Variants in CAP2 observed in about 807,000 individuals in gnomAD.
CAP2 encodes cyclase associated actin cytoskeleton regulatory protein 2.
A neutral mutation model predicts 57.7 loss-of-function variants in CAP2; 24 were observed. That is an observed-to-expected ratio of 0.42 (90% CI 0.30 to 0.58). CAP2 has a LOEUF of 0.58. CAP2 is among the 20% of genes least tolerant of loss of function. CAP2 has a pLI of 0.22. For synonymous variants in CAP2, 194 were observed against 207.2 expected, an observed-to-expected ratio of 0.94 and a Z score of 0.55; for missense variants, 501 against 590.3, an observed-to-expected ratio of 0.85 and a Z score of 1.57.
intron 3 of CAP2, among the ~76,000 whole-genome samples, chr6:17,452,441 C>A (rs1760431720): frequency 6.6e-6 from 1 of 152,142 alleles, no homozygotes; most frequent in Non-Finnish European, 1.5e-5. Context: ...AGTAATTTCC[C>A]AAACTTATCA....
At chr6:17,482,254 C>T (rs142743040) in intron 4 of CAP2, among the ~76,000 whole-genome samples, 43 of 152,174 alleles carry the variant, frequency 2.8e-4, no homozygotes, top group Middle Eastern at 3.4e-3. Context: ...AGGCTGGGCG[C>T]GGTGGCTCAC....
At chr6:17,500,358 T>TA (rs1032536229) in intron 4 of CAP2, among the ~76,000 whole-genome samples, 5 of 91,274 alleles carry the variant, frequency 5.5e-5, no homozygotes, top group African/African-American at 2.4e-4. Flanking sequence ...TATATATATA[T>TA]ATATATATAT....
chr6:17,552,083 T>C (rs1166656335), intron 12 of CAP2, among the ~76,000 whole-genome samples: 1 of 152,152 alleles, frequency 6.6e-6, no homozygotes. Flanking sequence ...CAGCTGGAGG[T>C]TGGATTCAGG....
chr6:17,531,076 C>T, intron 7 of CAP2: 1 of 770,932 alleles, frequency 1.3e-6, no homozygotes, highest in Non-Finnish European at 2.3e-6. Flanking sequence ...TGAATCAGAT[C>T]CTCCCTGCAG....
chr6:17,531,432 G>A, intron 7 of CAP2: 1 of 1,580,484 alleles, frequency 6.3e-7, no homozygotes, highest in Non-Finnish European at 8.6e-7. Context: ...CTCGCCATTT[G>A]AATTTCAGTT....
chr6:17,394,137 C>T (rs1412554395), intron 1 of CAP2, among the ~76,000 whole-genome samples: 11 of 144,686 alleles, frequency 7.6e-5, no homozygotes, highest in South Asian at 2.2e-4. Context: ...TGGGGGGTCT[C>T]GTCCACCGGG....
chr6:17,517,362 G>A (rs1028741300), intron 7 of CAP2, among the ~76,000 whole-genome samples: 2 of 152,202 alleles, frequency 1.3e-5, no homozygotes, highest in African/African-American at 4.8e-5. Flanking sequence ...GCAAAGCTGA[G>A]TAATTGTGTT....
chr6:17,498,472 AT>A, intron 4 of CAP2, among the ~76,000 whole-genome samples: 1 of 152,292 alleles, frequency 6.6e-6, no homozygotes, highest in Admixed American at 6.5e-5. Context: ...CTGCAAGTGT[AT>A]TGTTCTACCT....
At chr6:17,463,307 GAA>G (rs1760779566) in intron 4 of CAP2, among the ~76,000 whole-genome samples, 1 of 144,630 alleles carries the variant, frequency 6.9e-6, no homozygotes, top group African/African-American at 2.6e-5. Context: ...AAAAAAAAAA[GAA>G]AGAAAAAAAG....
intron 1 of CAP2, among the ~76,000 whole-genome samples, chr6:17,405,288 AG>A (rs948884620): frequency 2.0e-5 from 3 of 152,156 alleles, no homozygotes; most frequent in Non-Finnish European, 4.4e-5. Flanking sequence ...AGGCTGAGGC[AG>A]GAGAATCGTG....
At chr6:17,433,865 T>G (rs181265629) in intron 3 of CAP2, among the ~76,000 whole-genome samples, 2 of 152,334 alleles carry the variant, frequency 1.3e-5, no homozygotes, top group African/African-American at 4.8e-5. Flanking sequence ...ACTTAAAGTT[T>G]GTTTCTAGAG....
intron 1 of CAP2, among the ~76,000 whole-genome samples, chr6:17,401,639 T>G (rs2113501369): frequency 6.6e-6 from 1 of 152,358 alleles, no homozygotes; most frequent in South Asian, 2.1e-4. Context: ...ATGCAGATAG[T>G]CTATCTCTCG....
rs1763338241 is a variant in CAP2, at chr6:17,557,347, A to C, written c.*905A>C. 1.3e-5 allele frequency: 2 copies of C among 152,208 alleles called. No individual in the cohort carries two copies. The highest frequency in any genetic ancestry group is 4.1e-4 in the South Asian group (2 of 4,822). The allele number at this position is 152,208 out of a possible 1,614,324, so 9.4% of individuals were successfully genotyped here. On this transcript the variant is annotated 3_prime_UTR_variant, in exon 13 of 13. Coordinates refer to ENST00000229922, the MANE Select transcript of CAP2 (RefSeq NM_006366.3). The stretch of plus-strand genomic sequence containing the variant: ...ACTTGCTAACCAAGCTCGAAAATGA[A>C]CATGAAAAAGCCATACATGTATTAT...
chr6:17,540,756 A>AAACAAC (rs376461452), intron 8 of CAP2, among the ~76,000 whole-genome samples: 4 of 152,098 alleles, frequency 2.6e-5, no homozygotes, highest in South Asian at 2.1e-4. Context: ...TCCATTTAAA[A>AAACAAC]AACAACAACA....
chr6:17,466,899 A>G (rs1381345110), intron 4 of CAP2, among the ~76,000 whole-genome samples: 3 of 152,104 alleles, frequency 2.0e-5, no homozygotes, highest in African/African-American at 4.8e-5. Flanking sequence ...CTATATAGCT[A>G]TCTGTTGCAA....
At chr6:17,529,303 C>T (rs1211780510) in intron 7 of CAP2, among the ~76,000 whole-genome samples, 1 of 152,102 alleles carries the variant, frequency 6.6e-6, no homozygotes, top group Non-Finnish European at 1.5e-5. Context: ...GATCAATGTA[C>T]ATCTTGCATA....
chr6:17,531,364 G>A (rs1056752300), intron 7 of CAP2: 1 of 1,578,224 alleles, frequency 6.3e-7, no homozygotes. Flanking sequence ...TGATCCTGAT[G>A]ACAAACGCCA....
At chr6:17,512,000 A>T (rs981345406) in intron 6 of CAP2, among the ~76,000 whole-genome samples, 3 of 152,218 alleles carry the variant, frequency 2.0e-5, no homozygotes, top group Non-Finnish European at 1.5e-5. Flanking sequence ...TTTTGCTAGA[A>T]CGTTCTTCAA....
At chr6:17,489,116 C>A (rs1469124672) in intron 4 of CAP2, among the ~76,000 whole-genome samples, 1 of 152,138 alleles carries the variant, frequency 6.6e-6, no homozygotes, top group African/African-American at 2.4e-5. Context: ...TGATGGCCAC[C>A]ATGAGCCACA....
Sources: gnomAD v4.1 joint callset for allele counts (sites outside exome capture counted in the v4.1 genomes callset) on GRCh38, gnomAD v4.1.1 for gene constraint, MANE v1.5 for transcripts, NCBI Gene and HGNC (gene_info 2026-07-23, HGNC 2026-07-21) for gene names.